KIF13B: variants seen among roughly 807,000 people sequenced by gnomAD.
KIF13B encodes kinesin-like protein KIF13B.
A neutral mutation model predicts 222.0 loss-of-function variants in KIF13B; 127 were observed. The ratio of observed to expected loss-of-function variants is 0.57; its 90% confidence interval spans 0.50 to 0.66. KIF13B has a LOEUF of 0.66. Among genes scored for constraint, KIF13B ranks in the 30% least tolerant of loss-of-function variants. The pLI, the probability that KIF13B is intolerant of heterozygous loss-of-function variation, is 0.00. For missense variants in KIF13B, 2,173 were observed against 2,379.0 expected (o/e 0.91, Z 1.80); for synonymous variants, 976 against 919.0 (o/e 1.06, Z -1.12).
At chr8:29,205,443 C>A (rs1813888017) in intron 2 of KIF13B, among the ~76,000 whole-genome samples, 1 of 152,080 alleles carries the variant, frequency 6.6e-6, no homozygotes, top group Non-Finnish European at 1.5e-5. Flanking sequence ...AAAGAGTTTT[C>A]TTTTCTTCAG....
Position 29,112,012 on chromosome 8 carries a change from T to A in KIF13B, c.3930+1451A>T, listed in dbSNP as rs150822599. ...AACTCCAAATTAAATAATTAGATGG[T>A]TAATATTTACTATGCAAGTCTAACA... On this transcript the variant is annotated intron_variant, in intron 32 of 39. Coordinates refer to ENST00000524189, the MANE Select transcript of KIF13B (RefSeq NM_015254.4). 8.0e-4 allele frequency among the ~76,000 whole-genome samples: 122 copies of A among 152,354 alleles called. 2 individuals are homozygous for A. In the East Asian group the frequency reaches 0.022, roughly 27 times the overall value.
intron 2 of KIF13B, among the ~76,000 whole-genome samples, chr8:29,237,586 C>A (rs373288058): frequency 6.6e-6 from 1 of 152,138 alleles, no homozygotes; most frequent in African/African-American, 2.4e-5. Context: ...TATTGCTGCA[C>A]CAAAAGTAGT....
At chr8:29,104,965 T>G (rs1380994550) in intron 35 of KIF13B, among the ~76,000 whole-genome samples, 1 of 150,082 alleles carries the variant, frequency 6.7e-6, no homozygotes. Flanking sequence ...AGGATGGTTT[T>G]TTTTCCTTTT....
chr8:29,151,280 G>A (rs991474063), intron 14 of KIF13B, among the ~76,000 whole-genome samples: 51 of 152,276 alleles, frequency 3.3e-4, no homozygotes, highest in African/African-American at 1.1e-3. Flanking sequence ...AGCAGAGGTC[G>A]GTTCATGAGG....
chr8:29,188,833 A>C (rs1471968837), intron 4 of KIF13B, among the ~76,000 whole-genome samples: 1 of 152,218 alleles, frequency 6.6e-6, no homozygotes, highest in Non-Finnish European at 1.5e-5. Flanking sequence ...ATAAATAAAC[A>C]CGACTAAGAA....
rs139364241 is a variant in KIF13B at position 29,133,798 on chromosome 8, G to A, written c.2784+242C>T. Among the ~76,000 whole-genome samples the A allele has an allele frequency of 2.1e-3, 326 of 152,284 alleles. 2 individuals carry two copies. Among genetic ancestry groups the A allele is most frequent in the African/African-American group, 6.8e-3 (281 of 41,548 alleles). Reference sequence around the variant, plus strand: ...CTTCAGTAACCTAATATAGGACATAGATTTTCTTTGGAGAAGAATATGCAT... The same window carrying A: ...CTTCAGTAACCTAATATAGGACATAAATTTTCTTTGGAGAAGAATATGCAT... On this transcript the variant is annotated intron_variant, in intron 22 of 39. Transcript: ENST00000524189.
chr8:29,256,037 C>A (rs1816465910), intron 1 of KIF13B, among the ~76,000 whole-genome samples: 1 of 152,216 alleles, frequency 6.6e-6, no homozygotes, highest in Non-Finnish European at 1.5e-5. Flanking sequence ...CTCATATTCA[C>A]AATGGCCTTC....
At chr8:29,192,383 G>T (rs916597348) in intron 3 of KIF13B, among the ~76,000 whole-genome samples, 5 of 152,084 alleles carry the variant, frequency 3.3e-5, no homozygotes, top group African/African-American at 1.2e-4. Context: ...CTCGCTTACT[G>T]CTGGTCCTTG....
intron 13 of KIF13B, among the ~76,000 whole-genome samples, chr8:29,160,265 C>T (rs367782420): frequency 6.6e-5 from 10 of 152,276 alleles, no homozygotes; most frequent in East Asian, 5.8e-4. Flanking sequence ...AGATTGATAA[C>T]CCAAATTTTT....
intron 37 of KIF13B, among the ~76,000 whole-genome samples, chr8:29,088,434 C>T (rs1161941068): frequency 6.6e-6 from 1 of 152,102 alleles, no homozygotes; most frequent in African/African-American, 2.4e-5. Flanking sequence ...CTCACATATA[C>T]AATCCTCCCC....
intron 8 of KIF13B, among the ~76,000 whole-genome samples, chr8:29,179,755 C>T (rs183830590): frequency 6.9e-4 from 105 of 152,338 alleles, no homozygotes; most frequent in African/African-American, 2.5e-3. Flanking sequence ...TTCTCTATTC[C>T]TGCTTCCTGG....
intron 29 of KIF13B, among the ~76,000 whole-genome samples, chr8:29,120,999 T>C (rs954697914): frequency 8.6e-6 from 1 of 116,120 alleles, no homozygotes; most frequent in African/African-American, 3.4e-5. Flanking sequence ...TGTCTGTTCA[T>C]GTCCTTCGCC....
At chr8:29,075,030 G>A (rs1807486013) in intron 38 of KIF13B, among the ~76,000 whole-genome samples, 1 of 152,144 alleles carries the variant, frequency 6.6e-6, no homozygotes, top group South Asian at 2.1e-4. Flanking sequence ...GCCTAGCTGT[G>A]GGCTATTAAG....
chr8:29,259,366 T>C (rs1326208943), intron 1 of KIF13B, among the ~76,000 whole-genome samples: 1 of 152,224 alleles, frequency 6.6e-6, no homozygotes, highest in Non-Finnish European at 1.5e-5. Flanking sequence ...ATAATCTATT[T>C]CACTGTTTCT....
chr8:29,075,591 T>A (rs1180165361), intron 37 of KIF13B, among the ~76,000 whole-genome samples: 1 of 152,164 alleles, frequency 6.6e-6, no homozygotes, highest in Admixed American at 6.5e-5. Context: ...CACGACGCTC[T>A]CTCCCTCCCT....
At chr8:29,260,808 G>A (rs1816653018) in intron 1 of KIF13B, among the ~76,000 whole-genome samples, 1 of 152,134 alleles carries the variant, frequency 6.6e-6, no homozygotes, top group African/African-American at 2.4e-5. Context: ...AGTAGAGACA[G>A]GGTTTTGCCA....
At chr8:29,259,822 C>G (rs1355060934) in intron 1 of KIF13B, among the ~76,000 whole-genome samples, 1 of 152,184 alleles carries the variant, frequency 6.6e-6, no homozygotes, top group Admixed American at 6.5e-5. Flanking sequence ...ACGATATCTG[C>G]AAATAGAACT....
chr8:29,212,125 T>C (rs1814255643), intron 2 of KIF13B, among the ~76,000 whole-genome samples: 1 of 152,238 alleles, frequency 6.6e-6, no homozygotes. Flanking sequence ...CTATTATAAA[T>C]ACTGCTCCTT....
chr8:29,111,719 A>T (rs1809363619), intron 32 of KIF13B, among the ~76,000 whole-genome samples: 1 of 152,214 alleles, frequency 6.6e-6, no homozygotes, highest in South Asian at 2.1e-4. Context: ...GAGAGAGAAA[A>T]GGAAGAAATG....
Sources: allele counts gnomAD v4.1 joint callset (sites outside exome capture counted in the v4.1 genomes callset), GRCh38; gene constraint gnomAD v4.1.1; transcripts MANE v1.5; gene names NCBI Gene and HGNC (gene_info 2026-07-23, HGNC 2026-07-21).